SCHIP1: variants seen among roughly 807,000 people sequenced by gnomAD.
The protein encoded by SCHIP1 is schwannomin-interacting protein 1.
A neutral mutation model predicts 29.7 loss-of-function variants in SCHIP1; 8 were observed. The ratio of observed to expected loss-of-function variants is 0.27; its 90% CI spans 0.16 to 0.49. The LOEUF is 0.49. Among genes scored for constraint, SCHIP1 ranks in the 20% least tolerant of loss-of-function variants. SCHIP1 has a pLI of 0.99. For missense variants in SCHIP1, 193 were observed against 294.6 expected (o/e 0.66, Z 2.52); for synonymous variants, 76 against 94.9 (o/e 0.80, Z 1.16).
the SCHIP1 span, among the ~76,000 whole-genome samples, chr3:159,737,905 T>C: frequency 6.6e-6 from 1 of 152,128 alleles, no homozygotes; most frequent in Admixed American, 6.5e-5. Context: ...GCAATGGGTA[T>C]GTGTTGTATT....
chr3:159,273,858 G>A, the SCHIP1 span: 1 of 1,613,574 alleles, frequency 6.2e-7, no homozygotes. Flanking sequence ...ACGTGGGACT[G>A]TGACCAGGGC....
chr3:159,466,270 TTG>T, the SCHIP1 span, among the ~76,000 whole-genome samples: 1 of 152,084 alleles, frequency 6.6e-6, no homozygotes, highest in Admixed American at 6.6e-5. Flanking sequence ...AAGATCATGA[TTG>T]TGCTACTGCA....
chr3:159,714,063 C>G, the SCHIP1 span, among the ~76,000 whole-genome samples: 2 of 152,168 alleles, frequency 1.3e-5, no homozygotes, highest in South Asian at 2.1e-4. Flanking sequence ...ATAGCAAAAC[C>G]CTGTCTCTAT....
chr3:159,568,731 A>G, the SCHIP1 span, among the ~76,000 whole-genome samples: 1 of 152,148 alleles, frequency 6.6e-6, no homozygotes, highest in African/African-American at 2.4e-5. Flanking sequence ...TGTCTCCAAT[A>G]GATCAAGGCT....
intron 1 of SCHIP1, among the ~76,000 whole-genome samples, chr3:159,862,129 T>C (rs1045986416): frequency 2.0e-5 from 3 of 152,236 alleles, no homozygotes; most frequent in African/African-American, 7.2e-5. Context: ...CCATAGTATG[T>C]ATGCTTTGCC....
At chr3:159,859,787 TGG>T (rs1286969086) in intron 1 of SCHIP1, among the ~76,000 whole-genome samples, 2 of 152,228 alleles carry the variant, frequency 1.3e-5, no homozygotes, top group Admixed American at 1.3e-4. Context: ...TTTAAAGCTG[TGG>T]TTCTCAAAGT....
intron 6 of SCHIP1, chr3:159,892,522 G>T (rs879272010): frequency 5.9e-6 from 3 of 512,708 alleles, no homozygotes; most frequent in Non-Finnish European, 6.9e-6. Context: ...ATGTCATGCT[G>T]GCATGTTTCC....
the SCHIP1 span, among the ~76,000 whole-genome samples, chr3:159,785,873 T>C: frequency 3.9e-4 from 59 of 152,242 alleles, no homozygotes; most frequent in Non-Finnish European, 3.7e-4. Flanking sequence ...ACAACGATTG[T>C]TTGGTTTATA....
At chr3:159,534,242 C>G in the SCHIP1 span, among the ~76,000 whole-genome samples, 1 of 152,094 alleles carries the variant, frequency 6.6e-6, no homozygotes, top group Non-Finnish European at 1.5e-5. Context: ...ACTTTTTACC[C>G]TTTTCCAAAT....
the SCHIP1 span, among the ~76,000 whole-genome samples, chr3:159,461,583 T>A: frequency 1.3e-5 from 2 of 151,888 alleles, no homozygotes; most frequent in Non-Finnish European, 2.9e-5. Context: ...TCTTTTTTTT[T>A]TCTTTTTTTT....
At chr3:159,721,730 T>C in the SCHIP1 span, 25 of 431,862 alleles carry the variant, frequency 5.8e-5, no homozygotes, top group African/African-American at 4.2e-4. Context: ...TTCACAGCCA[T>C]GTTGGTAGGC....
chr3:159,824,521 T>C, the SCHIP1 span, among the ~76,000 whole-genome samples: 3 of 152,252 alleles, frequency 2.0e-5, no homozygotes, highest in Admixed American at 6.5e-5. Flanking sequence ...TTATGGTGAC[T>C]AATGCTAAAT....
chr3:159,426,230 T>A, the SCHIP1 span, among the ~76,000 whole-genome samples: 1 of 152,064 alleles, frequency 6.6e-6, no homozygotes, highest in Non-Finnish European at 1.5e-5. Context: ...CAAAAAACCC[T>A]TAATGAATCC....
the SCHIP1 span, among the ~76,000 whole-genome samples, chr3:159,288,646 G>A: frequency 4.6e-5 from 7 of 152,354 alleles, 1 homozygote; most frequent in African/African-American, 1.7e-4. Flanking sequence ...GCTGAGGCAG[G>A]AGAATTGCTT....
the SCHIP1 span, among the ~76,000 whole-genome samples, chr3:159,553,489 C>T: frequency 6.6e-6 from 1 of 152,136 alleles, no homozygotes; most frequent in Non-Finnish European, 1.5e-5. Flanking sequence ...TATTAAGTTA[C>T]TCTAGAAGAA....
chr3:159,463,553 T>C, the SCHIP1 span, among the ~76,000 whole-genome samples: 1 of 152,016 alleles, frequency 6.6e-6, no homozygotes, highest in Non-Finnish European at 1.5e-5. Context: ...TCAAACCTGT[T>C]TTTCTGATTC....
the SCHIP1 span, among the ~76,000 whole-genome samples, chr3:159,470,818 T>C: frequency 1.3e-5 from 2 of 151,398 alleles, no homozygotes; most frequent in Admixed American, 1.3e-4. Context: ...GAAGTATTGA[T>C]ATATATATAT....
the SCHIP1 span, among the ~76,000 whole-genome samples, chr3:159,755,181 G>C: frequency 1.3e-5 from 2 of 152,162 alleles, no homozygotes; most frequent in Non-Finnish European, 2.9e-5. Flanking sequence ...CTTGCAGTGA[G>C]CCAACATCAC....
the SCHIP1 span, among the ~76,000 whole-genome samples, chr3:159,403,063 A>G: frequency 1.3e-5 from 2 of 152,180 alleles, no homozygotes; most frequent in African/African-American, 4.8e-5. Flanking sequence ...TGGGCCAGGG[A>G]CTCTGAAACT....
Sources: allele counts gnomAD v4.1 joint callset (sites outside exome capture counted in the v4.1 genomes callset), GRCh38; gene constraint gnomAD v4.1.1; transcripts MANE v1.5; gene names NCBI Gene and HGNC (gene_info 2026-07-23, HGNC 2026-07-21).